PCDH7: variants seen among roughly 807,000 people sequenced by gnomAD.
PCDH7 encodes the protein protocadherin 7.
PCDH7 carries 17 observed loss-of-function variants against 58.9 expected under a neutral mutation model. The observed-to-expected ratio is 0.29, with a 90% CI of 0.20 to 0.43. The LOEUF is 0.43. PCDH7 is among the 20% of genes least tolerant of loss of function. The probability of loss-of-function intolerance (pLI) is 1.00; values close to 1 mark genes in which losing one functional copy is unlikely to be tolerated. For synonymous variants in PCDH7, 664 were observed against 616.4 expected, an observed-to-expected ratio of 1.08 and a Z score of -1.14; for missense variants, 1,274 against 1,441.0, an observed-to-expected ratio of 0.88 and a Z score of 1.88.
intron 3 of PCDH7, among the ~76,000 whole-genome samples, chr4:31,097,629 T>TAAAAATATAA (rs1560221884): frequency 2.4e-5 from 1 of 41,418 alleles, no homozygotes; most frequent in Non-Finnish European, 3.6e-5. Flanking sequence ...TATATATATA[T>TAAAAATATAA]ATATATATAA....
intron 3 of PCDH7, among the ~76,000 whole-genome samples, chr4:30,987,125 A>G (rs1751041149): frequency 6.6e-6 from 1 of 152,160 alleles, no homozygotes; most frequent in Non-Finnish European, 1.5e-5. Flanking sequence ...TTCCTTTATG[A>G]TTTTATGATG....
chr4:30,860,834 G>T (rs1253233928), intron 1 of PCDH7, among the ~76,000 whole-genome samples: 2 of 152,224 alleles, frequency 1.3e-5, no homozygotes, highest in African/African-American at 2.4e-5. Context: ...TGGGTTTAAG[G>T]CTCAAGGAGG....
intron 3 of PCDH7, among the ~76,000 whole-genome samples, chr4:31,112,377 G>A (rs1716430906): frequency 6.6e-6 from 1 of 152,064 alleles, no homozygotes; most frequent in Non-Finnish European, 1.5e-5. Context: ...GGTAGGACTG[G>A]CATATTTAAT....
intron 3 of PCDH7, among the ~76,000 whole-genome samples, chr4:30,968,995 G>T (rs1013634362): frequency 6.6e-6 from 1 of 152,056 alleles, no homozygotes; most frequent in Non-Finnish European, 1.5e-5. Context: ...GCATAAAATT[G>T]TAATCTTTTC....
chr4:31,053,949 C>A (rs2109225121), intron 3 of PCDH7, among the ~76,000 whole-genome samples: 1 of 152,144 alleles, frequency 6.6e-6, no homozygotes, highest in East Asian at 1.9e-4. Flanking sequence ...TACACCTGGA[C>A]CCTGGAACAA....
intron 1 of PCDH7, among the ~76,000 whole-genome samples, chr4:30,841,315 G>A (rs1049445830): frequency 2.6e-5 from 4 of 151,998 alleles, no homozygotes; most frequent in South Asian, 2.1e-4. Context: ...GGTTTTTATA[G>A]GGGAAATGAT....
At chr4:30,779,003 G>GTTTTTTT (rs386399674) in intron 1 of PCDH7, among the ~76,000 whole-genome samples, 3 of 73,004 alleles carry the variant, frequency 4.1e-5, no homozygotes, top group East Asian at 4.8e-4. Flanking sequence ...TCCTTACTCC[G>GTTTTTTT]TTTTTTTTTT....
intron 1 of PCDH7, among the ~76,000 whole-genome samples, chr4:30,889,312 A>G (rs1738291001): frequency 6.6e-6 from 1 of 151,606 alleles, no homozygotes; most frequent in African/African-American, 2.4e-5. Context: ...TAATGGCAAT[A>G]TATTCTCCTA....
chr4:30,729,952 T>C (rs1029490595), intron 1 of PCDH7, among the ~76,000 whole-genome samples: 2 of 151,996 alleles, frequency 1.3e-5, no homozygotes, highest in African/African-American at 4.8e-5. Flanking sequence ...AATCTATTAA[T>C]TTTAAAAATA....
At chr4:31,002,138 A>G (rs191244359) in intron 3 of PCDH7, among the ~76,000 whole-genome samples, 52 of 152,344 alleles carry the variant, frequency 3.4e-4, no homozygotes, top group African/African-American at 1.1e-3. Flanking sequence ...CTAATTGGGA[A>G]TCCTCAACAT....
chr4:31,079,083 G>A (rs947552462), intron 3 of PCDH7, among the ~76,000 whole-genome samples: 5 of 151,464 alleles, frequency 3.3e-5, no homozygotes, highest in Non-Finnish European at 7.4e-5. Context: ...AACATTTAAA[G>A]ATAGAAATGT....
At position 30,740,529 on chromosome 4, in the gene PCDH7, G is replaced by A. The variant is rs558503870; in HGVS notation, c.70+15933G>A. Among the ~76,000 whole-genome samples the A allele has an allele frequency of 5.1e-4, 78 of 151,934 alleles. 2 individuals are homozygous for A. The South Asian group carries it at 7.1e-3, about 14-fold the overall frequency. On this transcript the variant is annotated intron_variant, in intron 1 of 3. Coordinates refer to the PCDH7 transcript ENST00000509759. ...TTTGTTATTTATATCATTAGTACAGGTAGGAAAAAATAATTTCATTATTTT... is the reference window on the plus strand; with the variant it reads ...TTTGTTATTTATATCATTAGTACAGATAGGAAAAAATAATTTCATTATTTT...
At chr4:30,857,155 T>C (rs1733572092) in intron 1 of PCDH7, among the ~76,000 whole-genome samples, 1 of 152,162 alleles carries the variant, frequency 6.6e-6, no homozygotes, top group Non-Finnish European at 1.5e-5. Context: ...CATGGCAACC[T>C]TGCTACCTTT....
At chr4:30,752,973 A>T (rs1415793353) in intron 1 of PCDH7, among the ~76,000 whole-genome samples, 1 of 152,132 alleles carries the variant, frequency 6.6e-6, no homozygotes, top group Non-Finnish European at 1.5e-5. Flanking sequence ...AGACTTCAAC[A>T]CGGAAGCATT....
chr4:30,967,704 A>G (rs1749118169), intron 3 of PCDH7, among the ~76,000 whole-genome samples: 1 of 152,128 alleles, frequency 6.6e-6, no homozygotes, highest in African/African-American at 2.4e-5. Context: ...AAGCCTTCTG[A>G]GCCAAATGTT....
intron 3 of PCDH7, among the ~76,000 whole-genome samples, chr4:30,995,371 G>T (rs1751797173): frequency 6.6e-6 from 1 of 152,092 alleles, no homozygotes; most frequent in Non-Finnish European, 1.5e-5. Flanking sequence ...AATTAGCTGG[G>T]CGTGGTGGCG....
At chr4:30,905,385 A>G (rs1740787243) in intron 1 of PCDH7, among the ~76,000 whole-genome samples, 1 of 151,952 alleles carries the variant, frequency 6.6e-6, no homozygotes. Flanking sequence ...CTGGAACTCC[A>G]TGGTTCTATA....
intron 1 of PCDH7, 138 bp downstream of exon 1, chr4:30,724,734 G>C: frequency 6.9e-7 from 1 of 1,448,486 alleles, no homozygotes; most frequent in Non-Finnish European, 9.1e-7. Context: ...GTTAATTTTT[G>C]CACCATTAAT....
At chr4:31,140,394 C>T (rs1372446447) in intron 3 of PCDH7, among the ~76,000 whole-genome samples, 1 of 151,620 alleles carries the variant, frequency 6.6e-6, no homozygotes, top group African/African-American at 2.4e-5. Flanking sequence ...GAATAACAAC[C>T]ACATTCATAA....
Sources: gnomAD v4.1 joint callset for allele counts (sites outside exome capture counted in the v4.1 genomes callset) on GRCh38, gnomAD v4.1.1 for gene constraint, MANE v1.5 for transcripts, NCBI Gene and HGNC (gene_info 2026-07-23, HGNC 2026-07-21) for gene names.